The following PDE5A variants were observed in gnomAD, a reference collection of about 807,000 sequenced individuals.
The protein encoded by PDE5A is cGMP-specific 3',5'-cyclic phosphodiesterase.
Under a neutral mutation model 110.2 loss-of-function variants are expected in PDE5A, and 67 were observed. The ratio of observed to expected loss-of-function variants is 0.61; its 90% CI spans 0.50 to 0.75. The LOEUF is 0.75. Among genes scored for constraint, PDE5A ranks in the 30% least tolerant of loss-of-function variants. The pLI is 0.00. For missense variants in PDE5A, 862 were observed against 1,045.1 expected (o/e 0.82, Z 2.42); for synonymous variants, 328 against 351.2 (o/e 0.93, Z 0.74).
intron 3 of PDE5A, among the ~76,000 whole-genome samples, chr4:119,579,849 A>G (rs964407876): frequency 6.6e-6 from 1 of 152,206 alleles, no homozygotes; most frequent in Non-Finnish European, 1.5e-5. Context: ...ATAAAAAAAA[A>G]AAAGATCTGT....
chr4:119,625,934 C>T (rs567986027), intron 1 of PDE5A, among the ~76,000 whole-genome samples: 2 of 152,300 alleles, frequency 1.3e-5, no homozygotes, highest in South Asian at 4.2e-4. Context: ...TGGCTACACA[C>T]AAATTCTTAG....
At position 119,525,757 on chromosome 4, in the gene PDE5A, G is replaced by A; in HGVS notation, c.1633-62C>T. ...AATTAAAGCAGCAGTGATTTGCAAGGTTTTCTTGTTTTGCTGCAGAGAAAT... is the reference window on the plus strand; with the variant it reads ...AATTAAAGCAGCAGTGATTTGCAAGATTTTCTTGTTTTGCTGCAGAGAAAT... On this transcript the variant is annotated intron_variant, in intron 11 of 20. Transcript: ENST00000354960. This position sits in a 1 kb window ranked among gnomAD's most constrained non-coding sequence, Gnocchi z 4.3. 1 of 1,498,396 alleles carries A rather than the reference G, an allele frequency of 6.7e-7. No individual in the cohort carries two copies. Among genetic ancestry groups the A allele is most frequent in the East Asian group, 2.3e-5 (1 of 43,926 alleles). The allele number at this position is 1,498,396 out of a possible 1,614,324, so 92.8% of individuals were successfully genotyped here.
At chr4:119,597,533 C>T (rs1270472429) in intron 2 of PDE5A, among the ~76,000 whole-genome samples, 1 of 152,002 alleles carries the variant, frequency 6.6e-6, no homozygotes, top group Non-Finnish European at 1.5e-5. Context: ...GGAATGGAAT[C>T]AAGCATTCCA....
intron 3 of PDE5A, among the ~76,000 whole-genome samples, chr4:119,568,269 G>A (rs963783889): frequency 1.3e-5 from 2 of 151,818 alleles, no homozygotes; most frequent in Non-Finnish European, 2.9e-5. Flanking sequence ...TTTAGCTCTT[G>A]AAAAGAGTGG....
At chr4:119,555,080 A>T (rs1727491608) in intron 7 of PDE5A, among the ~76,000 whole-genome samples, 2 of 152,112 alleles carry the variant, frequency 1.3e-5, no homozygotes, top group African/African-American at 4.8e-5. Flanking sequence ...GTGGTTTCAT[A>T]TGGCGTCCTT....
intron 9 of PDE5A, among the ~76,000 whole-genome samples, chr4:119,546,713 G>A (rs574785311): frequency 2.9e-5 from 4 of 137,032 alleles, no homozygotes; most frequent in Middle Eastern, 4.3e-3. Flanking sequence ...TTGATATCTC[G>A]TAAACTAGAT....
chr4:119,588,329 C>T (rs1728840044), intron 3 of PDE5A, among the ~76,000 whole-genome samples: 1 of 151,898 alleles, frequency 6.6e-6, no homozygotes, highest in Non-Finnish European at 1.5e-5. Flanking sequence ...CAGGCGCATG[C>T]CACACACCCG....
At chr4:119,596,299 C>T (rs1048646177) in intron 3 of PDE5A, among the ~76,000 whole-genome samples, 2 of 151,658 alleles carry the variant, frequency 1.3e-5, no homozygotes, top group Admixed American at 6.6e-5. Flanking sequence ...ATATGACATG[C>T]ATAAAATTTA....
At position 119,542,766 on chromosome 4, in the gene PDE5A, T is replaced by TA. The variant is rs1467819956; in HGVS notation, c.1397-133dup. ...GCTTAGTATGTCGAAATAAGCAAAT[T>TA]AACCCCCACAAATATAAGCTAGAGA... is the stretch of plus-strand genomic sequence containing the variant. On this transcript the variant is annotated intron_variant, in intron 9 of 20. Coordinates refer to ENST00000354960, the MANE Select transcript of PDE5A (RefSeq NM_001083.4). 4.1e-6 allele frequency: 3 copies of TA among 724,292 alleles called. No homozygotes were observed. The African/African-American group carries it at 5.3e-5, about 13-fold the overall frequency. The allele number at this position is 724,292 out of a possible 1,614,324, so 44.9% of individuals were successfully genotyped here.
At chr4:119,541,076 C>T (rs552047650) in intron 10 of PDE5A, among the ~76,000 whole-genome samples, 22 of 151,926 alleles carry the variant, frequency 1.4e-4, no homozygotes, top group Non-Finnish European at 3.1e-4. Context: ...AAGGGAAGTG[C>T]AGAGGAGTGC....
At chr4:119,570,837 T>C (rs1344478451) in intron 3 of PDE5A, among the ~76,000 whole-genome samples, 6 of 152,218 alleles carry the variant, frequency 3.9e-5, no homozygotes, top group East Asian at 1.9e-4. Context: ...GACAGGACTC[T>C]AGACAGTCTA....
chr4:119,574,418 C>T (rs1437004877), intron 3 of PDE5A, among the ~76,000 whole-genome samples: 1 of 151,792 alleles, frequency 6.6e-6, no homozygotes, highest in Non-Finnish European at 1.5e-5. Flanking sequence ...CCTGACCTTG[C>T]GATCTGCCCG....
intron 18 of PDE5A, among the ~76,000 whole-genome samples, chr4:119,503,786 T>C (rs1236359313): frequency 6.6e-6 from 1 of 152,114 alleles, no homozygotes; most frequent in Non-Finnish European, 1.5e-5. Context: ...ATGTAGATGC[T>C]CTCTTTCTTA....
intron 2 of PDE5A, among the ~76,000 whole-genome samples, chr4:119,603,189 T>C (rs1380918664): frequency 6.6e-6 from 1 of 152,202 alleles, no homozygotes; most frequent in Non-Finnish European, 1.5e-5. Flanking sequence ...AGTGTTAATA[T>C]CTTATTAATA....
rs1315586092 is a variant in PDE5A at position 119,623,633 on chromosome 4, C to G, written c.152+4887G>C. ...ATTTCAAAAGAAATAATACTTCAGACCAGAGTCAAATCATTTATTTAAGCA... is the reference window on the plus strand; with the variant it reads ...ATTTCAAAAGAAATAATACTTCAGAGCAGAGTCAAATCATTTATTTAAGCA... On this transcript the variant is annotated intron_variant, in intron 1 of 20. Coordinates refer to ENST00000354960, the MANE Select transcript of PDE5A (RefSeq NM_001083.4). Among the ~76,000 whole-genome samples, 3 of 152,074 alleles carry G rather than the reference C, an allele frequency of 2.0e-5. No individual in the cohort carries two copies. The East Asian group carries it at 5.8e-4, about 29-fold the overall frequency.
intron 9 of PDE5A, chr4:119,548,505 T>C (rs1318974827): frequency 6.6e-6 from 1 of 152,230 alleles, no homozygotes; most frequent in Non-Finnish European, 1.5e-5. Flanking sequence ...CTACTTTGTT[T>C]GATAGAAATA....
At position 119,607,208 on chromosome 4, in the gene PDE5A, C is replaced by G. The variant is rs1729571211; in HGVS notation, c.242G>C (p.Cys81Ser). Residue 81 changes from cysteine (C) to serine (S), a missense_variant, in exon 2 of 21, where the codon TGT (cysteine) becomes TCT (serine). By Grantham distance (112) the Cys-to-Ser change is moderately radical. Transcript: ENST00000354960. ...TGCACGAGGACTCTGCTGCAAGGGA[C>G]AAGAGCAAGATTCGGTGTGGCCTCT... is the stretch of plus-strand genomic sequence containing the variant. Reference protein sequence around the residue: ...GIRGHTESCSCPLQQSPRADN... With the variant: ...GIRGHTESCSSPLQQSPRADN... 2.5e-6 allele frequency: 4 copies of G among 1,613,990 alleles called. No homozygotes were observed. Among genetic ancestry groups the G allele is most frequent in the African/African-American group, 1.3e-5 (1 of 74,916 alleles).
At chr4:119,527,482 C>T (rs943621450) in intron 11 of PDE5A, among the ~76,000 whole-genome samples, 9 of 152,066 alleles carry the variant, frequency 5.9e-5, no homozygotes, top group African/African-American at 2.2e-4. Context: ...GAGAATTCAA[C>T]TTTCTGTTTA....
At chr4:119,591,652 T>G (rs1164026791) in intron 3 of PDE5A, among the ~76,000 whole-genome samples, 2 of 152,234 alleles carry the variant, frequency 1.3e-5, no homozygotes, top group African/African-American at 4.8e-5. Flanking sequence ...GTTAGTGGCC[T>G]GGGTTTATTT....
Sources: gnomAD v4.1 joint callset for allele counts (sites outside exome capture counted in the v4.1 genomes callset) on GRCh38, gnomAD v4.1.1 for gene constraint, Gnocchi (gnomAD v3.1) non-coding constraint, MANE v1.5 for transcripts, NCBI Gene and HGNC (gene_info 2026-07-23, HGNC 2026-07-21) for gene names.